CA12: variants seen among roughly 807,000 people sequenced by gnomAD.
The protein encoded by CA12 is carbonic anhydrase 12.
Under a neutral mutation model 46.8 loss-of-function variants are expected in CA12, and 36 were observed. That is an observed-to-expected ratio of 0.77 (90% CI 0.59 to 1.02). CA12 has a LOEUF of 1.02. Ranked by LOEUF, CA12 falls within the 50% of genes least tolerant of loss-of-function variation. The pLI, the probability that CA12 is intolerant of heterozygous loss-of-function variation, is 0.00. For missense variants in CA12, 436 were observed against 451.4 expected (o/e 0.97, Z 0.31); for synonymous variants, 202 against 187.0 (o/e 1.08, Z -0.65).
Position 63,338,902 on chromosome 15 carries a change from T to C in CA12, c.791A>G (p.Asp264Gly). Residue 264 changes from aspartate (D) to glycine (G), a missense_variant, in exon 8 of 11, where the codon GAC (aspartate) becomes GGC (glycine). Coordinates refer to ENST00000178638, the MANE Select transcript of CA12 (RefSeq NM_001218.5). ...GTTGATCATTTCTCTGGGGGAAGGG[T>C]CGTCCATGTGTGTGCAGTACAGGGC... ...ETALYCTHMD[D>G]PSPREMINNF... 1 of 1,613,868 alleles carries C rather than the reference T, an allele frequency of 6.2e-7. No homozygotes were observed. The highest frequency in any genetic ancestry group is 8.5e-7 in the Non-Finnish European group (1 of 1,179,962).
At chr15:63,367,062 C>CT (rs1331250937) in intron 2 of CA12, among the ~76,000 whole-genome samples, 42 of 158 alleles carry the variant, frequency 0.27, no homozygotes, top group South Asian at 0.49. Flanking sequence ...GCTGAGACTA[C>CT]CGCACATGCC....
chr15:63,354,421 T>G (rs1372810036), intron 2 of CA12, among the ~76,000 whole-genome samples: 1 of 151,746 alleles, frequency 6.6e-6, no homozygotes, highest in Non-Finnish European at 1.5e-5. Flanking sequence ...GTCTAATTTT[T>G]GTTTGGGTCA....
intron 4 of CA12, among the ~76,000 whole-genome samples, chr15:63,343,795 C>T (rs538620244): frequency 1.1e-4 from 17 of 152,176 alleles, no homozygotes; most frequent in Middle Eastern, 6.8e-3. Flanking sequence ...CAATCTACAC[C>T]CTAACCTCCT....
intron 1 of CA12, among the ~76,000 whole-genome samples, chr15:63,376,562 C>CTTTCTTTCTTTCTTTCTTTCTTTA (rs2039575758): frequency 9.6e-6 from 1 of 104,228 alleles, no homozygotes; most frequent in Non-Finnish European, 2.0e-5. Flanking sequence ...TCTTTCCTTT[C>CTTTCTTTCTTTCTTTCTTTCTTTA]TTTCTTTCTT....
At position 63,327,389 on chromosome 15, in the gene CA12, T is replaced by C. The variant is rs2038881662; in HGVS notation, c.908-156A>G. On this transcript the variant is annotated intron_variant, in intron 9 of 10. Coordinates refer to ENST00000178638, the MANE Select transcript of CA12 (RefSeq NM_001218.5). The surrounding 1 kb of genome is among the most constrained non-coding windows in gnomAD (Gnocchi z 4.5). ...TCTCAGATTCTGGTCTTTGGCTTAG[T>C]GGGACTGGCTGGAGTATTTTGAGGT... Among the ~76,000 whole-genome samples, 1 of 152,198 alleles carries C rather than the reference T, an allele frequency of 6.6e-6. No individual in the cohort carries two copies. The highest frequency in any genetic ancestry group is 1.5e-5 in the Non-Finnish European group (1 of 68,030).
chr15:63,340,405 C>G lies in CA12; in HGVS notation c.630G>C (p.Leu210=). 1 of 1,614,176 alleles carries G rather than the reference C, an allele frequency of 6.2e-7. No homozygotes were observed. Among genetic ancestry groups the G allele is most frequent in the South Asian group, 1.1e-5 (1 of 91,074 alleles). ...AFVPGFNIEE[L]LPERTAEYYR... Reference sequence around the variant, plus strand: ...AATATTCAGCGGTCCTCTCCGGAAGCAGCTCTTCAATGTTGAATCCCGGGA... The same window carrying G: ...AATATTCAGCGGTCCTCTCCGGAAGGAGCTCTTCAATGTTGAATCCCGGGA... The change falls in exon 7 of 11, where the codon CTG becomes CTC. Residue 210 remains leucine, a synonymous_variant. Coordinates refer to ENST00000178638, the MANE Select transcript of CA12 (RefSeq NM_001218.5). The surrounding 1 kb of genome is among the most constrained non-coding windows in gnomAD (Gnocchi z 4.4).
In CA12 at chr15:63,341,429, T is replaced by A. The variant is rs746838228; in HGVS notation, c.525+573A>T. On this transcript the variant is annotated intron_variant, in intron 5 of 10. Coordinates refer to ENST00000178638, the MANE Select transcript of CA12 (RefSeq NM_001218.5). The surrounding 1 kb of genome is among the most constrained non-coding windows in gnomAD (Gnocchi z 5.2). Reference sequence around the variant, plus strand: ...TCTCATAGGAGCACAAGCCCTATTGTGAACTGCGCATGCAAGGGATCTAGG... The same window carrying A: ...TCTCATAGGAGCACAAGCCCTATTGAGAACTGCGCATGCAAGGGATCTAGG... Among the ~76,000 whole-genome samples the A allele has an allele frequency of 6.6e-6, 1 of 152,226 alleles. No homozygotes were observed. Among genetic ancestry groups the A allele is most frequent in the Non-Finnish European group, 1.5e-5 (1 of 68,038 alleles).
intron 1 of CA12, among the ~76,000 whole-genome samples, chr15:63,377,767 C>T (rs1057334609): frequency 1.3e-5 from 2 of 152,148 alleles, no homozygotes; most frequent in Non-Finnish European, 2.9e-5. Context: ...ATATAACATG[C>T]TAATATTGTT....
rs555358594 is a variant in CA12 at position 63,348,058 on chromosome 15, A to G, written c.107-1349T>C. ...GAATCCGAAGTGATACTTGGTACCC[A>G]GGTTCATTTCAAATGCTATGAGGCG... On this transcript the variant is annotated intron_variant, in intron 2 of 10. Transcript: ENST00000178638. This position sits in a 1 kb window ranked among gnomAD's most constrained non-coding sequence, Gnocchi z 4.6. Among the ~76,000 whole-genome samples the G allele has an allele frequency of 6.6e-6, 1 of 152,320 alleles. No homozygotes were observed. The highest frequency in any genetic ancestry group is 2.1e-4 in the South Asian group (1 of 4,826).
At position 63,323,095 on chromosome 15, in the gene CA12, AC is replaced by A. The variant is rs1001141628; in HGVS notation, c.*3189del. 5 of 152,218 alleles carry A rather than the reference AC, an allele frequency of 3.3e-5. No individual in the cohort carries two copies. Among genetic ancestry groups the A allele is most frequent in the Non-Finnish European group, 7.3e-5 (5 of 68,040 alleles). 9.4% of individuals were successfully genotyped at this position (152,218 alleles called of 1,614,324 possible). A position where few individuals can be genotyped will look rare whatever the true frequency, so the allele number is the denominator to read the frequency against. On this transcript the variant is annotated 3_prime_UTR_variant, in exon 11 of 11. Transcript: ENST00000178638. The surrounding 1 kb of genome is among the most constrained non-coding windows in gnomAD (Gnocchi z 5.1). ...TGCAAAAAGAATTCAAAATAAGGTA[AC>A]AGGCAACCAAGAGGGGCTGCCCACC...
At chr15:63,344,937 C>T (rs560165954) in intron 4 of CA12, among the ~76,000 whole-genome samples, 51 of 152,260 alleles carry the variant, frequency 3.3e-4, no homozygotes, top group South Asian at 1.0e-3. Context: ...GTCTGCTTGC[C>T]GTGATGCCCT....
rs1381042929 is a variant in CA12, at chr15:63,345,113, G to A, written c.429+364C>T. Among the ~76,000 whole-genome samples, 1 of 152,256 alleles carries A rather than the reference G, an allele frequency of 6.6e-6. No individual in the cohort carries two copies. The highest frequency in any genetic ancestry group is 1.5e-5 in the Non-Finnish European group (1 of 68,054). ...AAGAAAGGCTGAGAAGTTTGGGGGAGCAGTGAGCCCAGTGTGAGTCAGCAG... is the reference window on the plus strand; with the variant it reads ...AAGAAAGGCTGAGAAGTTTGGGGGAACAGTGAGCCCAGTGTGAGTCAGCAG... On this transcript the variant is annotated intron_variant, in intron 4 of 10. Coordinates refer to ENST00000178638, the MANE Select transcript of CA12 (RefSeq NM_001218.5). This position sits in a 1 kb window ranked among gnomAD's most constrained non-coding sequence, Gnocchi z 4.3.
chr15:63,333,182 G>T (rs905888543), intron 8 of CA12, among the ~76,000 whole-genome samples: 1 of 152,234 alleles, frequency 6.6e-6, no homozygotes, highest in Non-Finnish European at 1.5e-5. Context: ...GAAAGCATCT[G>T]CCCTACAGTT....
intron 2 of CA12, among the ~76,000 whole-genome samples, chr15:63,356,143 A>T (rs1287074042): frequency 6.6e-6 from 1 of 152,212 alleles, no homozygotes; most frequent in Non-Finnish European, 1.5e-5. Flanking sequence ...CTGTAATCCC[A>T]GCACTTTGGG....
chr15:63,373,464 G>C lies in CA12; in HGVS notation c.106+2194C>G, dbSNP rs1290653352. 6.6e-6 allele frequency among the ~76,000 whole-genome samples: 1 copy of C among 152,156 alleles called. No individual in the cohort carries two copies. The highest frequency in any genetic ancestry group is 1.9e-4 in the East Asian group (1 of 5,200). On this transcript the variant is annotated intron_variant, in intron 2 of 10. Transcript: ENST00000178638. This position sits in a 1 kb window ranked among gnomAD's most constrained non-coding sequence, Gnocchi z 4.9. ...GCTGTAACAGAGAGATAGGGATAGAGGACCCCGTAGAGATGTGATCTGTGT... is the reference window on the plus strand; with the variant it reads ...GCTGTAACAGAGAGATAGGGATAGACGACCCCGTAGAGATGTGATCTGTGT...
At chr15:63,336,138 C>G (rs907158349) in intron 8 of CA12, among the ~76,000 whole-genome samples, 6 of 152,188 alleles carry the variant, frequency 3.9e-5, no homozygotes, top group African/African-American at 1.4e-4. Context: ...GGAGGAAGAG[C>G]AGTGGCAACG....
rs1210765616 is a variant in CA12 at position 63,331,767 on chromosome 15, T to G, written c.875-3637A>C. The stretch of plus-strand genomic sequence containing the variant: ...TTGCCACAAGGGCCTTGCTACCTGT[T>G]CTGGCAGGCCCAGGAGCTGCGTCTT... On this transcript the variant is annotated intron_variant, in intron 8 of 10. Transcript: ENST00000178638. This position sits in a 1 kb window ranked among gnomAD's most constrained non-coding sequence, Gnocchi z 5.3. 6.6e-6 allele frequency: 1 copy of G among 152,242 alleles called. No individual in the cohort carries two copies. The highest frequency in any genetic ancestry group is 2.4e-5 in the African/African-American group (1 of 41,450). 9.4% of individuals were successfully genotyped at this position (152,242 alleles called of 1,614,324 possible).
chr15:63,336,650 A>G (rs1276436080), intron 8 of CA12, among the ~76,000 whole-genome samples: 1 of 148,124 alleles, frequency 6.8e-6, no homozygotes, highest in Non-Finnish European at 1.5e-5. Context: ...TCCCGGGTTC[A>G]AGCGATTCTC....
In CA12 at chr15:63,331,975, C is replaced by CTATAA. The variant is rs1257511255; in HGVS notation, c.875-3850_875-3846dup. Among the ~76,000 whole-genome samples the CTATAA allele has an allele frequency of 6.6e-6, 1 of 152,160 alleles. No individual in the cohort carries two copies. The highest frequency in any genetic ancestry group is 1.9e-4 in the East Asian group (1 of 5,204). ...ATTTACGATTCTGTTTGACTGTGGACTATAATCCTTTTCAAGTATTATTTT... is the reference window on the plus strand; with the variant it reads ...ATTTACGATTCTGTTTGACTGTGGACTATAATATAATCCTTTTCAAGTATTATTTT... On this transcript the variant is annotated intron_variant, in intron 8 of 10. Transcript: ENST00000178638. The surrounding 1 kb of genome is among the most constrained non-coding windows in gnomAD (Gnocchi z 5.3).
Sources: gnomAD v4.1 joint callset for allele counts (sites outside exome capture counted in the v4.1 genomes callset) on GRCh38, gnomAD v4.1.1 for gene constraint, Gnocchi (gnomAD v3.1) non-coding constraint, MANE v1.5 for transcripts, NCBI Gene and HGNC (gene_info 2026-07-23, HGNC 2026-07-21) for gene names.